MYO5B: variants seen among roughly 807,000 people sequenced by gnomAD.
MYO5B encodes unconventional myosin-Vb.
A neutral mutation model predicts 229.3 loss-of-function variants in MYO5B; 143 were observed. The observed-to-expected ratio is 0.62, with a 90% CI of 0.54 to 0.72. The LOEUF is 0.72. Among genes scored for constraint, MYO5B ranks in the 30% least tolerant of loss-of-function variants. The probability of loss-of-function intolerance (pLI) is 0.00; values close to 1 mark genes in which losing one functional copy is unlikely to be tolerated. For synonymous variants in MYO5B, 918 were observed against 885.2 expected, an observed-to-expected ratio of 1.04 and a Z score of -0.66; for missense variants, 2,321 against 2,331.0, an observed-to-expected ratio of 1.00 and a Z score of 0.09.
chr18:50,102,463 G>A (rs2031674259), intron 1 of MYO5B, among the ~76,000 whole-genome samples: 2 of 152,146 alleles, frequency 1.3e-5, no homozygotes, highest in South Asian at 4.1e-4. Flanking sequence ...GCCAGGTAAG[G>A]AACCTCCTCA....
At chr18:49,862,990 C>A (rs544324070) in intron 29 of MYO5B, among the ~76,000 whole-genome samples, 93 of 151,588 alleles carry the variant, frequency 6.1e-4, no homozygotes, top group Non-Finnish European at 9.7e-4. Flanking sequence ...CAGGGAAGCT[C>A]CTTTTTCCTA....
chr18:50,076,847 A>G (rs1437105591), intron 1 of MYO5B, among the ~76,000 whole-genome samples: 3 of 152,048 alleles, frequency 2.0e-5, no homozygotes, highest in Admixed American at 1.3e-4. Context: ...AATAATTGTG[A>G]TGAAAACCAG....
chr18:49,839,343 C>T (rs571143556), intron 35 of MYO5B, 49 bp from the exon 36 acceptor site: 1 of 1,602,762 alleles, frequency 6.2e-7, no homozygotes, highest in East Asian at 2.2e-5. Context: ...CTGCTGGGCC[C>T]AGCACAACTT....
intron 1 of MYO5B, among the ~76,000 whole-genome samples, chr18:50,139,854 G>A (rs2032391183): frequency 6.6e-6 from 1 of 152,134 alleles, no homozygotes; most frequent in Admixed American, 6.5e-5. Flanking sequence ...AAATACTTTT[G>A]CACCAACCTA....
At chr18:50,073,148 A>G (rs556992859) in intron 1 of MYO5B, among the ~76,000 whole-genome samples, 164 of 152,388 alleles carry the variant, frequency 1.1e-3, no homozygotes, top group South Asian at 3.7e-3. Flanking sequence ...CAAGTATTAT[A>G]CAAATGCTAA....
intron 16 of MYO5B, among the ~76,000 whole-genome samples, chr18:49,931,650 G>A (rs2025193434): frequency 6.6e-6 from 1 of 152,164 alleles, no homozygotes; most frequent in Non-Finnish European, 1.5e-5. Flanking sequence ...AGGAAGCACA[G>A]TTCCAGGATC....
At chr18:49,908,494 T>C (rs2024924491) in intron 18 of MYO5B, among the ~76,000 whole-genome samples, 1 of 152,210 alleles carries the variant, frequency 6.6e-6, no homozygotes, top group Admixed American at 6.5e-5. Context: ...TCAAGGTGAC[T>C]TGAGCAAATA....
At chr18:50,150,511 T>C (rs1300687691) in intron 1 of MYO5B, among the ~76,000 whole-genome samples, 2 of 148,082 alleles carry the variant, frequency 1.4e-5, no homozygotes, top group Non-Finnish European at 3.0e-5. Context: ...CCATAAAAAA[T>C]GATGAGTTCA....
intron 4 of MYO5B, among the ~76,000 whole-genome samples, chr18:50,031,603 C>T (rs1382151486): frequency 1.3e-5 from 2 of 152,186 alleles, no homozygotes; most frequent in Non-Finnish European, 2.9e-5. Context: ...CCATACTATA[C>T]ACAGATAAGT....
At chr18:50,086,837 C>A (rs569764733) in intron 1 of MYO5B, among the ~76,000 whole-genome samples, 1 of 152,268 alleles carries the variant, frequency 6.6e-6, no homozygotes, top group Admixed American at 6.5e-5. Flanking sequence ...CAGGAACACA[C>A]ACAACTGGTC....
intron 1 of MYO5B, among the ~76,000 whole-genome samples, chr18:50,074,411 C>T (rs536111453): frequency 2.3e-4 from 35 of 152,300 alleles, no homozygotes; most frequent in Admixed American, 7.2e-4. Flanking sequence ...TGAAAGGGCC[C>T]ATCGGATGTC....
chr18:50,030,516 T>C (rs2026375941), intron 4 of MYO5B, among the ~76,000 whole-genome samples: 1 of 147,300 alleles, frequency 6.8e-6, no homozygotes, highest in Non-Finnish European at 1.5e-5. Context: ...ATTCTCTACA[T>C]GCTCTTCACA....
Position 50,053,248 on chromosome 18 carries a change from A to G in MYO5B, c.138+2020T>C, listed in dbSNP as rs145603190. On this transcript the variant is annotated intron_variant, in intron 2 of 39. Coordinates refer to ENST00000285039, the MANE Select transcript of MYO5B (RefSeq NM_001080467.3). The stretch of plus-strand genomic sequence containing the variant: ...TATTTCTCGAGAACTGCTAATCTCT[A>G]GAGCCAGGCTTCCCTTCCAATTACA... Among the ~76,000 whole-genome samples, 602 of 152,274 alleles carry G rather than the reference A, an allele frequency of 4.0e-3. 3 individuals are homozygous for G. Among genetic ancestry groups the G allele is most frequent in the African/African-American group, 0.013 (554 of 41,546 alleles).
intron 22 of MYO5B, among the ~76,000 whole-genome samples, chr18:49,885,800 A>T (rs10502903): frequency 0.58 from 88,259 of 151,914 alleles, 25,797 homozygotes; most frequent in Middle Eastern, 0.67. Context: ...TCTCACTTAA[A>T]GGTGCCTCAG....
In MYO5B at chr18:49,980,498, G is replaced by A. The variant is rs1274662257; in HGVS notation, c.1002C>T (p.His334=). The change falls in exon 9 of 40, where the codon CAC becomes CAT. Residue 334 remains histidine (H), a synonymous_variant. Transcript: ENST00000285039. Reference sequence around the variant, plus strand: ...CAGCCTGAATCGCCACACTTCCAAGGTGCAAGATAGAAGCAATTATCTTAA... The same window carrying A: ...CAGCCTGAATCGCCACACTTCCAAGATGCAAGATAGAAGCAATTATCTTAA... The part of the protein sequence containing the change: ...SIFKIIASIL[H]LGSVAIQAER... 1.9e-6 allele frequency: 3 copies of A among 1,613,982 alleles called. No homozygotes were observed. Among genetic ancestry groups the A allele is most frequent in the Non-Finnish European group, 1.7e-6 (2 of 1,179,942 alleles).
chr18:49,974,397 G>T lies in MYO5B; in HGVS notation c.1275C>A (p.His425Gln). 1 of 1,614,184 alleles carries T rather than the reference G, an allele frequency of 6.2e-7. No homozygotes were observed. The highest frequency in any genetic ancestry group is 8.5e-7 in the Non-Finnish European group (1 of 1,180,020). ...WIVEHINKAL[H>Q]TSLKQHSFIG... ...TGAAGGAGTGCTGCTTGAGGGAGGT[G>T]TGCAGGGCCTTGTTGATGTGCTCCA... is the stretch of plus-strand genomic sequence containing the variant. The change falls in exon 10 of 40, where the codon CAC becomes CAA. Residue 425 changes from histidine (H) to glutamine (Q), a missense_variant. His to Gln is a conservative substitution (Grantham distance 24). Around this residue, in one of 2 missense-constraint regions of MYO5B, gnomAD observed 2,113 missense variants for 2,044.7 expected, o/e 1.03. Transcript: ENST00000285039.
chr18:49,836,049 AT>A (rs553629000), intron 38 of MYO5B, among the ~76,000 whole-genome samples: 1,663 of 152,354 alleles, frequency 0.011, 13 homozygotes, highest in Non-Finnish European at 0.017. Flanking sequence ...GATATTTAAT[AT>A]TTTAATAGTA....
chr18:49,914,406 G>C (rs1295119808), intron 17 of MYO5B, among the ~76,000 whole-genome samples: 2 of 152,190 alleles, frequency 1.3e-5, no homozygotes, highest in Non-Finnish European at 2.9e-5. Flanking sequence ...TATTAAAAGA[G>C]AGTAAGTGGA....
At chr18:49,920,246 T>C (rs2025059836) in intron 17 of MYO5B, among the ~76,000 whole-genome samples, 1 of 152,212 alleles carries the variant, frequency 6.6e-6, no homozygotes, top group Non-Finnish European at 1.5e-5. Context: ...TAACTCTGTA[T>C]ATAATGAAAA....
Sources: gnomAD v4.1 joint callset for allele counts (sites outside exome capture counted in the v4.1 genomes callset) on GRCh38, gnomAD v4.1.1 for gene constraint, gnomAD v4.1.1 regional missense constraint, MANE v1.5 for transcripts, NCBI Gene and HGNC (gene_info 2026-07-23, HGNC 2026-07-21) for gene names.